AGPAT4: variants seen among roughly 807,000 people sequenced by gnomAD.
AGPAT4 encodes 1-acylglycerol-3-phosphate O-acyltransferase 4, also known as 1-acyl-sn-glycerol-3-phosphate acyltransferase delta.
AGPAT4 carries 15 observed loss-of-function variants against 48.0 expected under a neutral mutation model. That is an observed-to-expected ratio of 0.31 (90% CI 0.21 to 0.48). The LOEUF (loss-of-function observed/expected upper bound fraction) is 0.48. AGPAT4 is among the 20% of genes least tolerant of loss of function. The pLI is 0.99. For missense variants in AGPAT4, 314 were observed against 482.5 expected (o/e 0.65, Z 3.27); for synonymous variants, 178 against 198.7 (o/e 0.90, Z 0.88).
At position 161,166,226 on chromosome 6, in the gene AGPAT4, G is replaced by A. The variant is rs144757975; in HGVS notation, c.348+22C>T. The A allele has an allele frequency of 1.5e-3, 2,494 of 1,611,570 alleles. 5 individuals are homozygous for A. Among genetic ancestry groups the A allele is most frequent in the Non-Finnish European group, 2.0e-3 (2,333 of 1,178,662 alleles). ...GAACCAGAGAAATGTGTGAGGCAGGGGGGAATGCACTTCTGACTTACCCCT... is the reference window on the plus strand; with the variant it reads ...GAACCAGAGAAATGTGTGAGGCAGGAGGGAATGCACTTCTGACTTACCCCT... On this transcript the variant is annotated intron_variant, in intron 3 of 8. Transcript: ENST00000320285. The surrounding 1 kb of genome is among the most constrained non-coding windows in gnomAD (Gnocchi z 6.7).
chr6:161,131,603 C>T lies in AGPAT4; in HGVS notation c.*4937G>A, dbSNP rs1289219997. 2 of 152,254 alleles carry T rather than the reference C, an allele frequency of 1.3e-5. No individual in the cohort carries two copies. Among genetic ancestry groups the T allele is most frequent in the African/African-American group, 4.8e-5 (2 of 41,464 alleles). 9.4% of individuals were successfully genotyped at this position (152,254 alleles called of 1,614,324 possible). ...GCCCTGCTGGGGGGGCAGGGCAGGG[C>T]TGTGAGCTCAGGAGCCCATCCCTGT... On this transcript the variant is annotated 3_prime_UTR_variant, in exon 9 of 9. Transcript: ENST00000320285.
rs1328598278 is a variant in AGPAT4 at position 161,134,073 on chromosome 6, C to T, written c.*2467G>A. On this transcript the variant is annotated 3_prime_UTR_variant, in exon 9 of 9. Transcript: ENST00000320285. The stretch of plus-strand genomic sequence containing the variant: ...GCGCAGGGTGTAAGGAAACCAGGTT[C>T]CCAGGCTGCATAACAAAATTGTTCT... 2 of 152,174 alleles carry T rather than the reference C, an allele frequency of 1.3e-5. No individual in the cohort carries two copies. The highest frequency in any genetic ancestry group is 2.9e-5 in the Non-Finnish European group (2 of 68,066). The allele number at this position is 152,174 out of a possible 1,614,324, so 9.4% of individuals were successfully genotyped here.
At position 161,180,047 on chromosome 6, in the gene AGPAT4, A is replaced by G. The variant is rs17537799; in HGVS notation, c.179-13630T>C. On this transcript the variant is annotated intron_variant, in intron 2 of 8. Transcript: ENST00000320285. The surrounding 1 kb of genome is among the most constrained non-coding windows in gnomAD (Gnocchi z 6.4). ...AGGCAGCCCTGAATCTGCTATCCCC[A>G]AAGACCTCCTTATTCTCAGCTCCTA... is the stretch of plus-strand genomic sequence containing the variant. Among the ~76,000 whole-genome samples the G allele has an allele frequency of 0.056, 8,475 of 152,260 alleles. 334 individuals carry two copies. The highest frequency in any genetic ancestry group is 0.07 in the Non-Finnish European group (4,794 of 68,008).
intron 3 of AGPAT4, among the ~76,000 whole-genome samples, chr6:161,163,105 G>C (rs1277118446): frequency 6.6e-6 from 1 of 152,242 alleles, no homozygotes; most frequent in Non-Finnish European, 1.5e-5. Context: ...GGCCTCATGG[G>C]ATCTTGAGTA....
Position 161,171,917 on chromosome 6 carries a change from A to C in AGPAT4, c.179-5500T>G, listed in dbSNP as rs1376437287. Among the ~76,000 whole-genome samples the C allele has an allele frequency of 1.3e-5, 2 of 151,990 alleles. No individual in the cohort carries two copies. Among genetic ancestry groups the C allele is most frequent in the East Asian group, 1.9e-4 (1 of 5,178 alleles). The stretch of plus-strand genomic sequence containing the variant: ...TCCATCTCAAAAACAAAAAACAAAA[A>C]ACAAAAAACCAAAAGTTTCCAACAC... On this transcript the variant is annotated intron_variant, in intron 2 of 8. Coordinates refer to ENST00000320285, the MANE Select transcript of AGPAT4 (RefSeq NM_020133.3). The surrounding 1 kb of genome is among the most constrained non-coding windows in gnomAD (Gnocchi z 4.4).
chr6:161,211,539 C>G (rs1781522539), intron 2 of AGPAT4, among the ~76,000 whole-genome samples: 1 of 151,798 alleles, frequency 6.6e-6, no homozygotes, highest in East Asian at 1.9e-4. Flanking sequence ...AGTAAAATGA[C>G]TGGTTATTTA....
rs1334048757 is a variant in AGPAT4 at position 161,251,934 on chromosome 6, C to T, written c.-89-19632G>A. On this transcript the variant is annotated intron_variant, in intron 1 of 8. Transcript: ENST00000320285. The surrounding 1 kb of genome is among the most constrained non-coding windows in gnomAD (Gnocchi z 4.6). ...TAGGGAATTGTAATTATCTTCTTAA[C>T]CCATTTATGCTGGAGAGTATAATTT... Among the ~76,000 whole-genome samples, 1 of 151,364 alleles carries T rather than the reference C, an allele frequency of 6.6e-6. No individual in the cohort carries two copies. Among genetic ancestry groups the T allele is most frequent in the Admixed American group, 6.6e-5 (1 of 15,048 alleles).
intron 2 of AGPAT4, among the ~76,000 whole-genome samples, chr6:161,175,289 T>C (rs1205863438): frequency 1.3e-5 from 2 of 152,224 alleles, no homozygotes; most frequent in Non-Finnish European, 2.9e-5. Context: ...GGACTTTTTT[T>C]GGTTGGTAGG....
rs1779508767 is a variant in AGPAT4, at chr6:161,148,785, T to TA, written c.767+401dup. On this transcript the variant is annotated intron_variant, in intron 6 of 8. Coordinates refer to ENST00000320285, the MANE Select transcript of AGPAT4 (RefSeq NM_020133.3). The surrounding 1 kb of genome is among the most constrained non-coding windows in gnomAD (Gnocchi z 5.5). ...CATTAATAGCCTGGAACATAACACA[T>TA]AAGTGAGACACTGCAAGAGTTCTGC... Among the ~76,000 whole-genome samples the TA allele has an allele frequency of 6.6e-6, 1 of 152,162 alleles. No homozygotes were observed. The highest frequency in any genetic ancestry group is 1.5e-5 in the Non-Finnish European group (1 of 68,034).
At position 161,242,995 on chromosome 6, in the gene AGPAT4, G is replaced by A. The variant is rs1420684988; in HGVS notation, c.-89-10693C>T. On this transcript the variant is annotated intron_variant, in intron 1 of 8. Coordinates refer to ENST00000320285, the MANE Select transcript of AGPAT4 (RefSeq NM_020133.3). The surrounding 1 kb of genome is among the most constrained non-coding windows in gnomAD (Gnocchi z 5.0). ...GGAGAATTGATTGAACCCAGGAGGT[G>A]GAGGTTGCAGTGAGTGGAGATTGCG... is the stretch of plus-strand genomic sequence containing the variant. 6.6e-6 allele frequency among the ~76,000 whole-genome samples: 1 copy of A among 152,092 alleles called. No homozygotes were observed. The highest frequency in any genetic ancestry group is 2.1e-4 in the South Asian group (1 of 4,822).
intron 1 of AGPAT4, among the ~76,000 whole-genome samples, chr6:161,260,619 G>A (rs1196897724): frequency 4.0e-5 from 5 of 124,038 alleles, no homozygotes; most frequent in African/African-American, 1.3e-4. Context: ...TTGTGCCACC[G>A]CACTCCAGCC....
At chr6:161,265,287 T>C (rs112327097) in intron 1 of AGPAT4, among the ~76,000 whole-genome samples, 1 of 47,260 alleles carries the variant, frequency 2.1e-5, no homozygotes, top group Non-Finnish European at 3.9e-5. Flanking sequence ...TGGGTGCTGA[T>C]TAGTACCCAC....
rs1186160912 is a variant in AGPAT4 at position 161,243,300 on chromosome 6, C to T, written c.-89-10998G>A. On this transcript the variant is annotated intron_variant, in intron 1 of 8. Coordinates refer to ENST00000320285, the MANE Select transcript of AGPAT4 (RefSeq NM_020133.3). This position sits in a 1 kb window ranked among gnomAD's most constrained non-coding sequence, Gnocchi z 4.8. ...AATGGCCCAAGACCCGGCCCTGGGC[C>T]GGCAGAAGCAGGCGTGAGGTGGCTG... Among the ~76,000 whole-genome samples, 2 of 152,036 alleles carry T rather than the reference C, an allele frequency of 1.3e-5. No homozygotes were observed. Among genetic ancestry groups the T allele is most frequent in the South Asian group, 2.1e-4 (1 of 4,804 alleles).
chr6:161,174,629 AC>A (rs1780377088), intron 2 of AGPAT4, among the ~76,000 whole-genome samples: 1 of 152,082 alleles, frequency 6.6e-6, no homozygotes. Flanking sequence ...CTAACTGAAT[AC>A]CCTTTATTTC....
At position 161,272,918 on chromosome 6, in the gene AGPAT4, C is replaced by T. The variant is rs188667334; in HGVS notation, c.-90+1020G>A. 2.6e-5 allele frequency among the ~76,000 whole-genome samples: 4 copies of T among 152,258 alleles called. No homozygotes were observed. The highest frequency in any genetic ancestry group is 7.2e-5 in the African/African-American group (3 of 41,554). ...AAAACGAAAAACGGAGAATCCTGCCCGGCAGTTAATTTGTTACTCATACTT... is the reference window on the plus strand; with the variant it reads ...AAAACGAAAAACGGAGAATCCTGCCTGGCAGTTAATTTGTTACTCATACTT... On this transcript the variant is annotated intron_variant, in intron 1 of 8. Coordinates refer to ENST00000320285, the MANE Select transcript of AGPAT4 (RefSeq NM_020133.3). This position sits in a 1 kb window ranked among gnomAD's most constrained non-coding sequence, Gnocchi z 4.2.
rs1226502111 is a variant in AGPAT4, at chr6:161,212,249, G to T, written c.178+19787C>A. Among the ~76,000 whole-genome samples, 1 of 152,070 alleles carries T rather than the reference G, an allele frequency of 6.6e-6. No individual in the cohort carries two copies. Among genetic ancestry groups the T allele is most frequent in the Non-Finnish European group, 1.5e-5 (1 of 67,994 alleles). On this transcript the variant is annotated intron_variant, in intron 2 of 8. Transcript: ENST00000320285. The surrounding 1 kb of genome is among the most constrained non-coding windows in gnomAD (Gnocchi z 6.1). ...ATGACTTTGTGCTATTTTTATTAGGGCTTATTGTTTGGAACATTAAGTCTC... is the reference window on the plus strand; with the variant it reads ...ATGACTTTGTGCTATTTTTATTAGGTCTTATTGTTTGGAACATTAAGTCTC...
At chr6:161,157,694 T>C (rs887534146) in intron 3 of AGPAT4, among the ~76,000 whole-genome samples, 11 of 152,224 alleles carry the variant, frequency 7.2e-5, no homozygotes, top group African/African-American at 2.2e-4. Flanking sequence ...TATGTCTAGG[T>C]TTTGATGTTA....
In AGPAT4 at chr6:161,231,671, T is replaced by G. The variant is rs13194692; in HGVS notation, c.178+365A>C. Among the ~76,000 whole-genome samples the G allele has an allele frequency of 0.063, 9,616 of 152,246 alleles. 380 individuals carry two copies. The highest frequency in any genetic ancestry group is 0.11 in the Middle Eastern group (32 of 294). On this transcript the variant is annotated intron_variant, in intron 2 of 8. Coordinates refer to ENST00000320285, the MANE Select transcript of AGPAT4 (RefSeq NM_020133.3). This position sits in a 1 kb window ranked among gnomAD's most constrained non-coding sequence, Gnocchi z 5.3. ...ATGTATATGTATCTATATAGATATA[T>G]ACACAGAAAGACGCACATGCATTTA... is the stretch of plus-strand genomic sequence containing the variant.
chr6:161,163,005 A>G (rs188806640), intron 3 of AGPAT4, among the ~76,000 whole-genome samples: 1 of 152,338 alleles, frequency 6.6e-6, no homozygotes, highest in East Asian at 1.9e-4. Flanking sequence ...TCCAAGATCA[A>G]CCAAAGCCTT....
Sources: allele counts gnomAD v4.1 joint callset (sites outside exome capture counted in the v4.1 genomes callset), GRCh38; gene constraint gnomAD v4.1.1; non-coding constraint Gnocchi (gnomAD v3.1); transcripts MANE v1.5; gene names NCBI Gene and HGNC (gene_info 2026-07-23, HGNC 2026-07-21).